MYO3B: variants seen among roughly 807,000 people sequenced by gnomAD.
The protein encoded by MYO3B is myosin IIIB, also known as myosin-IIIb.
In MYO3B, 156 loss-of-function variants were observed where a neutral mutation model predicts 174.6. The ratio of observed to expected loss-of-function variants is 0.89; its 90% confidence interval spans 0.78 to 1.02. The LOEUF (loss-of-function observed/expected upper bound fraction) is 1.02. MYO3B is among the 50% of genes least tolerant of loss of function. MYO3B has a pLI of 0.00. For missense variants in MYO3B, 1,632 were observed against 1,639.4 expected (o/e 1.00, Z 0.08); for synonymous variants, 563 against 569.1 (o/e 0.99, Z 0.15).
At chr2:170,476,901 A>C (rs1270981975) in intron 25 of MYO3B, among the ~76,000 whole-genome samples, 1 of 152,112 alleles carries the variant, frequency 6.6e-6, no homozygotes, top group Non-Finnish European at 1.5e-5. Flanking sequence ...TTAATGGCCC[A>C]GGGATCCTCC....
At chr2:170,387,330 T>C (rs751559188) in intron 14 of MYO3B, 22 bp downstream of exon 14, 2 of 1,609,284 alleles carry the variant, frequency 1.2e-6, no homozygotes, top group South Asian at 2.2e-5. Context: ...ACTTTATCAC[T>C]GTGTTTTTGC....
intron 7 of MYO3B, among the ~76,000 whole-genome samples, chr2:170,243,470 C>T (rs772749089): frequency 9.8e-5 from 15 of 152,322 alleles, no homozygotes; most frequent in South Asian, 4.2e-4. Flanking sequence ...TCAATCTACA[C>T]GGGTTCAACT....
chr2:170,653,305 A>ATGTGT lies in MYO3B; in HGVS notation c.*189_*193dup, dbSNP rs1491564734. ...ATCCTATCCTCTACCACTCTCCCAC[A>ATGTGT]TGTGTTGTGCAGCCTGAGCTGGGCG... On this transcript the variant is annotated 3_prime_UTR_variant, in exon 35 of 35. Transcript: ENST00000408978. 6 of 675,614 alleles carry ATGTGT rather than the reference A, an allele frequency of 8.9e-6. No homozygotes were observed. The highest frequency in any genetic ancestry group is 1.8e-5 in the African/African-American group (1 of 55,284). 41.9% of individuals were successfully genotyped at this position (675,614 alleles called of 1,614,324 possible).
At chr2:170,249,961 T>C (rs1236034100) in intron 7 of MYO3B, among the ~76,000 whole-genome samples, 2 of 152,124 alleles carry the variant, frequency 1.3e-5, no homozygotes, top group Non-Finnish European at 2.9e-5. Context: ...TGCTGGCACT[T>C]CTCCTCCTAT....
At chr2:170,444,178 G>A in intron 23 of MYO3B, 132 bp downstream of exon 23, 1 of 601,612 alleles carries the variant, frequency 1.7e-6, no homozygotes, top group Non-Finnish European at 2.8e-6. Context: ...AGAGATTAAA[G>A]GCATTTAGGA....
rs1324435802 is a variant in MYO3B at position 170,327,053 on chromosome 2, A to G, written c.750-8332A>G. Among the ~76,000 whole-genome samples the G allele has an allele frequency of 2.6e-5, 4 of 152,220 alleles. No homozygotes were observed. In the East Asian group the frequency reaches 7.7e-4, roughly 29 times the overall value. On this transcript the variant is annotated intron_variant, in intron 7 of 34. Transcript: ENST00000408978. ...CCTAACATTGCAAATGGCATTATTT[A>G]AGGTATAGGACCAAACAGGTCATTA...
At chr2:170,558,692 C>T (rs1248081176) in intron 32 of MYO3B, among the ~76,000 whole-genome samples, 3 of 152,190 alleles carry the variant, frequency 2.0e-5, no homozygotes, top group Non-Finnish European at 4.4e-5. Flanking sequence ...TGATGGGCAT[C>T]TGGGTTGTTT....
chr2:170,433,466 T>C (rs2094727260), intron 22 of MYO3B, among the ~76,000 whole-genome samples: 1 of 152,136 alleles, frequency 6.6e-6, no homozygotes, highest in Non-Finnish European at 1.5e-5. Flanking sequence ...AAAGCCAGAG[T>C]TGTCAGTTCA....
intron 25 of MYO3B, among the ~76,000 whole-genome samples, chr2:170,492,561 C>A (rs1443662099): frequency 5.9e-5 from 9 of 152,182 alleles, no homozygotes; most frequent in Non-Finnish European, 1.3e-4. Flanking sequence ...CAGGAACACA[C>A]AAAGATTCCA....
intron 10 of MYO3B, 109 bp from the exon 11 acceptor site, chr2:170,382,964 C>A: frequency 1.4e-6 from 1 of 717,838 alleles, no homozygotes; most frequent in Non-Finnish European, 2.4e-6. Context: ...GGACTACTTT[C>A]ATCGTTTAGA....
chr2:170,375,216 A>G (rs1203579062), intron 9 of MYO3B, among the ~76,000 whole-genome samples: 4 of 152,196 alleles, frequency 2.6e-5, no homozygotes, highest in Non-Finnish European at 5.9e-5. Context: ...ATCATCTGGT[A>G]TGTCATCTCA....
At chr2:170,336,805 A>G (rs1408102750) in intron 8 of MYO3B, among the ~76,000 whole-genome samples, 1 of 151,366 alleles carries the variant, frequency 6.6e-6, no homozygotes, top group Non-Finnish European at 1.5e-5. Flanking sequence ...AACAGCTATG[A>G]ACCTATATTT....
intron 30 of MYO3B, among the ~76,000 whole-genome samples, chr2:170,523,973 C>T (rs1431002889): frequency 6.6e-6 from 1 of 151,994 alleles, no homozygotes; most frequent in Non-Finnish European, 1.5e-5. Flanking sequence ...AGGTCTGCCT[C>T]AAGAGTCCTG....
At chr2:170,493,716 C>A (rs896538014) in intron 25 of MYO3B, among the ~76,000 whole-genome samples, 2 of 152,164 alleles carry the variant, frequency 1.3e-5, no homozygotes, top group Admixed American at 1.3e-4. Flanking sequence ...ATTGCAAATT[C>A]TTCTCTTTCT....
chr2:170,636,258 AG>A (rs1697461673), intron 32 of MYO3B, among the ~76,000 whole-genome samples: 1 of 152,196 alleles, frequency 6.6e-6, no homozygotes, highest in African/African-American at 2.4e-5. Context: ...GGCCAGAAAC[AG>A]GCCTAGAAAT....
intron 25 of MYO3B, among the ~76,000 whole-genome samples, chr2:170,478,302 G>C (rs532414627): frequency 6.6e-6 from 1 of 152,236 alleles, no homozygotes; most frequent in Non-Finnish European, 1.5e-5. Flanking sequence ...TCTCAGAGAA[G>C]AAATCTAATA....
At chr2:170,460,694 TAGAC>T (rs1684231101) in intron 23 of MYO3B, among the ~76,000 whole-genome samples, 1 of 152,190 alleles carries the variant, frequency 6.6e-6, no homozygotes, top group African/African-American at 2.4e-5. Flanking sequence ...GCTGTGCAGT[TAGAC>T]AGGGCCCGTC....
intron 7 of MYO3B, among the ~76,000 whole-genome samples, chr2:170,274,998 C>G (rs1236438872): frequency 6.6e-6 from 1 of 151,912 alleles, no homozygotes; most frequent in Admixed American, 6.6e-5. Flanking sequence ...AAAAATGTTG[C>G]CAAAATAGAA....
chr2:170,594,376 C>T (rs1348415530), intron 32 of MYO3B, among the ~76,000 whole-genome samples: 2 of 152,150 alleles, frequency 1.3e-5, no homozygotes, highest in African/African-American at 4.8e-5. Flanking sequence ...AGAGGAGAGA[C>T]TCTAGGCTTG....
Sources: allele counts gnomAD v4.1 joint callset (sites outside exome capture counted in the v4.1 genomes callset), GRCh38; gene constraint gnomAD v4.1.1; transcripts MANE v1.5; gene names NCBI Gene and HGNC (gene_info 2026-07-23, HGNC 2026-07-21).